Variants in CREBBP observed in about 807,000 individuals in gnomAD.
CREBBP encodes CREB-binding protein.
Under a neutral mutation model 265.0 loss-of-function variants are expected in CREBBP, and 19 were observed. The ratio of observed to expected loss-of-function variants is 0.07; its 90% CI spans 0.05 to 0.11. The LOEUF (loss-of-function observed/expected upper bound fraction) is 0.11. Ranked by LOEUF, CREBBP falls within the 10% of genes least tolerant of loss-of-function variation. CREBBP has a pLI of 1.00. For synonymous variants in CREBBP, 1,457 were observed against 1,223.7 expected (o/e 1.19, Z -3.98); for missense variants, 2,525 against 3,219.0 (o/e 0.78, Z 5.22).
intron 3 of CREBBP, among the ~76,000 whole-genome samples, chr16:3,805,668 T>C (rs2053814664): frequency 6.6e-6 from 1 of 152,102 alleles, no homozygotes; most frequent in African/African-American, 2.4e-5. Context: ...ACAAACAAGG[T>C]TGGGGAGTGG....
chr16:3,827,398 G>A (rs918707381), intron 2 of CREBBP, among the ~76,000 whole-genome samples: 5 of 151,870 alleles, frequency 3.3e-5, no homozygotes, highest in African/African-American at 1.2e-4. Context: ...TTATTTTATT[G>A]ATTGATTGAC....
intron 2 of CREBBP, among the ~76,000 whole-genome samples, chr16:3,825,656 T>C (rs2054222919): frequency 6.6e-6 from 1 of 152,124 alleles, no homozygotes; most frequent in African/African-American, 2.4e-5. Context: ...TAATCAAAGA[T>C]GATTAAAGAT....
chr16:3,865,152 G>A (rs1349084532), intron 1 of CREBBP, among the ~76,000 whole-genome samples: 2 of 152,150 alleles, frequency 1.3e-5, no homozygotes. Context: ...CCAACACACA[G>A]GCTCTTGAAG....
At chr16:3,853,991 A>G (rs898072370) in intron 1 of CREBBP, among the ~76,000 whole-genome samples, 1 of 150,704 alleles carries the variant, frequency 6.6e-6, no homozygotes, top group Non-Finnish European at 1.5e-5. Flanking sequence ...CACGAAAAAG[A>G]AAAGAAAATT....
At chr16:3,846,081 A>G (rs1324331611) in intron 2 of CREBBP, among the ~76,000 whole-genome samples, 1 of 152,206 alleles carries the variant, frequency 6.6e-6, no homozygotes, top group Admixed American at 6.6e-5. Context: ...AACCTATGTG[A>G]CCATATTCCT....
At chr16:3,755,739 T>C (rs1016688234) in intron 19 of CREBBP, among the ~76,000 whole-genome samples, 1 of 152,064 alleles carries the variant, frequency 6.6e-6, no homozygotes, top group Non-Finnish European at 1.5e-5. Context: ...TCATAAAATG[T>C]TTCTATTGAT....
chr16:3,850,231 A>T, intron 2 of CREBBP, 66 bp downstream of exon 2: 1 of 1,538,642 alleles, frequency 6.5e-7, no homozygotes, highest in Non-Finnish European at 9.0e-7. Flanking sequence ...GTCCCATTTT[A>T]CGCATTACTC....
Position 3,770,854 on chromosome 16 carries a change from T to C in CREBBP, c.2596A>G (p.Met866Val), listed in dbSNP as rs368912102. 70 of 1,613,886 alleles carry C rather than the reference T, an allele frequency of 4.3e-5. No homozygotes were observed. Among genetic ancestry groups the C allele is most frequent in the Non-Finnish European group, 5.8e-5 (69 of 1,179,992 alleles). Residue 866 changes from methionine (M) to valine (V), a missense_variant, in exon 14 of 31, where the codon ATG (methionine) becomes GTG (valine). By Grantham distance (21) the Met-to-Val change is conservative. Transcript: ENST00000262367. ...GGTGTCGTGTGCTGGAGAGATGGCA[T>C]GCCAGCAGCCGTGGAAGCAGGAGGC... ...TPPPASTAAG[M>V]PSLQHTTPPG...
rs958396907 is a variant in CREBBP at position 3,770,739 on chromosome 16, C to A, written c.2711G>T (p.Gly904Val). 1 of 1,614,026 alleles carries A rather than the reference C, an allele frequency of 6.2e-7. No individual in the cohort carries two copies. The highest frequency in any genetic ancestry group is 1.3e-5 in the African/African-American group (1 of 74,996). ...GGTTTGGGTAGCACTGGGCACTGAG[C>A]CAGGAGTCGGGGTGGGAGTCTGCCC... ...SSGQTPTPTP[G>V]SVPSATQTQS... The change falls in exon 14 of 31, where the codon GGC becomes GTC. Residue 904 changes from glycine to valine, a missense_variant. Transcript: ENST00000262367.
intron 4 of CREBBP, 88 bp downstream of exon 4, chr16:3,793,298 G>A: frequency 6.3e-7 from 1 of 1,579,586 alleles, no homozygotes; most frequent in Non-Finnish European, 8.7e-7. Context: ...GGCTGCCGGA[G>A]CCTTATGAAC....
At position 3,850,672 on chromosome 16, in the gene CREBBP, A is replaced by T. The variant is rs760605470; in HGVS notation, c.423T>A (p.Ser141=). The T allele has an allele frequency of 3.7e-6, 6 of 1,614,204 alleles. No individual in the cohort carries two copies. Among genetic ancestry groups the T allele is most frequent in the Non-Finnish European group, 4.2e-6 (5 of 1,180,044 alleles). The change falls in exon 2 of 31, where the codon TCT becomes TCA. Residue 141 remains serine, a synonymous_variant. Coordinates refer to ENST00000262367, the MANE Select transcript of CREBBP (RefSeq NM_004380.3). ...CTTGGGAGGCAGCGGGGGTGGGCCC[A>T]GAGGTGCTGGCTGCCTGTTTAGGCA... ...PSLPKQAAST[S]GPTPAASQAL...
At chr16:3,808,172 GGA>G (rs1056539773) in intron 3 of CREBBP, among the ~76,000 whole-genome samples, 37 of 148,282 alleles carry the variant, frequency 2.5e-4, no homozygotes, top group Non-Finnish European at 4.6e-4. Flanking sequence ...GGGCAGCGGG[GGA>G]GAGAGAGAGG....
intron 1 of CREBBP, among the ~76,000 whole-genome samples, chr16:3,870,132 A>G (rs929555653): frequency 6.6e-6 from 1 of 152,162 alleles, no homozygotes; most frequent in Non-Finnish European, 1.5e-5. Flanking sequence ...CCACGGGGTA[A>G]CTTTTACTTA....
At chr16:3,856,874 A>G (rs1294121424) in intron 1 of CREBBP, among the ~76,000 whole-genome samples, 2 of 152,166 alleles carry the variant, frequency 1.3e-5, no homozygotes, top group Non-Finnish European at 2.9e-5. Context: ...CACTCTTCCT[A>G]GGAGAGGGAG....
At chr16:3,852,064 A>ACC (rs2054856358) in intron 1 of CREBBP, among the ~76,000 whole-genome samples, 1 of 143,810 alleles carries the variant, frequency 7.0e-6, no homozygotes, top group South Asian at 2.2e-4. Flanking sequence ...AAAAAAAAAA[A>ACC]AAAAAAAAAA....
At chr16:3,863,366 G>A (rs2055114957) in intron 1 of CREBBP, among the ~76,000 whole-genome samples, 1 of 152,110 alleles carries the variant, frequency 6.6e-6, no homozygotes, top group African/African-American at 2.4e-5. Context: ...ATTTTAGGAA[G>A]CCCAGGCAGG....
Position 3,798,843 on chromosome 16 carries a change from A to T in CREBBP, c.976-5217T>A, listed in dbSNP as rs75370008. On this transcript the variant is annotated intron_variant, in intron 3 of 30. Transcript: ENST00000262367. ...AATTCCTATTTTAGGTATACAACCAAAAGAACTGAAAATGCACGTTCACAC... is the reference window on the plus strand; with the variant it reads ...AATTCCTATTTTAGGTATACAACCATAAGAACTGAAAATGCACGTTCACAC... 1.4e-3 allele frequency among the ~76,000 whole-genome samples: 219 copies of T among 152,370 alleles called. 1 individual carries two copies. Among genetic ancestry groups the T allele is most frequent in the Admixed American group, 2.3e-3 (35 of 15,298 alleles).
intron 3 of CREBBP, among the ~76,000 whole-genome samples, chr16:3,809,979 C>T (rs1459444402): frequency 7.9e-5 from 12 of 151,916 alleles, no homozygotes; most frequent in African/African-American, 2.9e-4. Context: ...GAACGCACTA[C>T]CCCTCAGTGT....
rs747067124 is a variant in CREBBP at position 3,733,401 on chromosome 16, G to GC, written c.4729-1465dup. On this transcript the variant is annotated intron_variant, in intron 28 of 30. Coordinates refer to ENST00000262367, the MANE Select transcript of CREBBP (RefSeq NM_004380.3). The stretch of plus-strand genomic sequence containing the variant: ...AAAATTCCCACCCCACCGACAAGCA[G>GC]CCCGAGGAGCCCAAATATCACGTGG... 6.0e-5 allele frequency among the ~76,000 whole-genome samples: 9 copies of GC among 151,122 alleles called. No homozygotes were observed. In the South Asian group the frequency reaches 1.3e-3, roughly 21 times the overall value.
Sources: allele counts gnomAD v4.1 joint callset (sites outside exome capture counted in the v4.1 genomes callset), GRCh38; gene constraint gnomAD v4.1.1; transcripts MANE v1.5; gene names NCBI Gene and HGNC (gene_info 2026-07-23, HGNC 2026-07-21).